DYM: variants seen among roughly 807,000 people sequenced by gnomAD.
DYM encodes dyggve-Melchior-Clausen syndrome protein.
Under a neutral mutation model 93.1 loss-of-function variants are expected in DYM, and 78 were observed. The observed-to-expected ratio is 0.84, with a 90% confidence interval of 0.70 to 1.01. The LOEUF is 1.01. Ranked by LOEUF, DYM falls within the 50% of genes least tolerant of loss-of-function variation. The pLI is 0.00. For missense variants in DYM, 789 were observed against 845.0 expected, an observed-to-expected ratio of 0.93 and a Z score of 0.82; for synonymous variants, 321 against 319.7, an observed-to-expected ratio of 1.00 and a Z score of -0.04.
At chr18:49,202,802 G>A (rs2092136577) in intron 14 of DYM, among the ~76,000 whole-genome samples, 1 of 48,232 alleles carries the variant, frequency 2.1e-5, no homozygotes, top group Non-Finnish European at 4.3e-5. Flanking sequence ...CCCGGCAGCT[G>A]CCCCGTCTGA....
intron 15 of DYM, among the ~76,000 whole-genome samples, chr18:49,139,089 C>T (rs1013451494): frequency 2.6e-5 from 4 of 152,042 alleles, no homozygotes; most frequent in Non-Finnish European, 2.9e-5. Context: ...GTTTTGAAAA[C>T]GATTTCAAAA....
At chr18:49,051,372 T>C (rs960550081) in intron 17 of DYM, among the ~76,000 whole-genome samples, 1 of 152,180 alleles carries the variant, frequency 6.6e-6, no homozygotes, top group African/African-American at 2.4e-5. Context: ...GGGCAAGTCA[T>C]AGCATTTCTC....
chr18:49,232,202 C>T (rs1032667678), intron 13 of DYM, among the ~76,000 whole-genome samples: 1 of 152,130 alleles, frequency 6.6e-6, no homozygotes, highest in African/African-American at 2.4e-5. Context: ...GCTCCCCCCA[C>T]TTTCCATATT....
chr18:49,235,229 T>C (rs1039451720), intron 13 of DYM, among the ~76,000 whole-genome samples: 3 of 152,242 alleles, frequency 2.0e-5, no homozygotes, highest in Non-Finnish European at 2.9e-5. Context: ...ACAGACTTTC[T>C]GGAGCAGAGC....
At chr18:49,319,671 C>G (rs183043976) in intron 8 of DYM, among the ~76,000 whole-genome samples, 12 of 152,276 alleles carry the variant, frequency 7.9e-5, no homozygotes. Flanking sequence ...AATGAGGAAA[C>G]TGGGGCTCAG....
chr18:49,307,679 T>TG (rs141497996), intron 8 of DYM, among the ~76,000 whole-genome samples: 1 of 152,318 alleles, frequency 6.6e-6, no homozygotes, highest in East Asian at 1.9e-4. Flanking sequence ...TTCCATACCC[T>TG]GTCCTTCATG....
At chr18:49,273,816 CTTT>C (rs35929710) in intron 10 of DYM, among the ~76,000 whole-genome samples, 3 of 137,270 alleles carry the variant, frequency 2.2e-5, no homozygotes, top group Non-Finnish European at 3.2e-5. Flanking sequence ...TATTTTATGC[CTTT>C]TTTTTTTTTT....
At chr18:49,086,788 G>T (rs982422586) in intron 17 of DYM, among the ~76,000 whole-genome samples, 2 of 151,990 alleles carry the variant, frequency 1.3e-5, no homozygotes, top group East Asian at 1.9e-4. Flanking sequence ...AGGAGTTCGA[G>T]ATCAGCCTGG....
intron 15 of DYM, among the ~76,000 whole-genome samples, chr18:49,137,919 C>T (rs1309891395): frequency 6.6e-6 from 1 of 152,094 alleles, no homozygotes; most frequent in Non-Finnish European, 1.5e-5. Context: ...TCAATAAAGC[C>T]AATGATCAGT....
intron 14 of DYM, among the ~76,000 whole-genome samples, chr18:49,203,481 G>A (rs1056177712): frequency 1.3e-5 from 2 of 148,522 alleles, no homozygotes; most frequent in Non-Finnish European, 3.0e-5. Context: ...AGTAGACATG[G>A]GAGACTTTTC....
chr18:49,069,047 G>C (rs1257402020), intron 17 of DYM, among the ~76,000 whole-genome samples: 1 of 152,206 alleles, frequency 6.6e-6, no homozygotes, highest in African/African-American at 2.4e-5. Context: ...GATTATGGAA[G>C]AAGGGATCTT....
intron 15 of DYM, among the ~76,000 whole-genome samples, chr18:49,144,388 C>T (rs114956978): frequency 3.3e-5 from 5 of 151,986 alleles, no homozygotes; most frequent in East Asian, 1.9e-4. Context: ...TCCCTCTTTA[C>T]GTAAGTTTGC....
At chr18:49,355,312 T>C (rs764562826) in intron 6 of DYM, among the ~76,000 whole-genome samples, 1 of 151,976 alleles carries the variant, frequency 6.6e-6, no homozygotes, top group Non-Finnish European at 1.5e-5. Context: ...ATAGATATCA[T>C]AGATAGACAT....
intron 14 of DYM, among the ~76,000 whole-genome samples, chr18:49,176,977 A>G (rs1420898793): frequency 6.6e-6 from 1 of 152,150 alleles, no homozygotes; most frequent in African/African-American, 2.4e-5. Flanking sequence ...TCTGTAAAGA[A>G]AGAGATTTTC....
chr18:49,386,765 C>T (rs1232218422), intron 3 of DYM, among the ~76,000 whole-genome samples: 2 of 152,062 alleles, frequency 1.3e-5, no homozygotes, highest in Non-Finnish European at 2.9e-5. Flanking sequence ...AACATAAACT[C>T]ATTTTACTGT....
chr18:49,105,387 T>C (rs1179120146), intron 16 of DYM, among the ~76,000 whole-genome samples: 1 of 152,298 alleles, frequency 6.6e-6, no homozygotes, highest in Middle Eastern at 3.4e-3. Context: ...TTTTGAAGGG[T>C]TTTTTGTGTC....
intron 9 of DYM, among the ~76,000 whole-genome samples, chr18:49,285,289 G>C (rs2095095424): frequency 6.6e-6 from 1 of 152,216 alleles, no homozygotes; most frequent in South Asian, 2.1e-4. Context: ...TATAAGAAAT[G>C]TGTATCAGAA....
chr18:49,125,179 G>C (rs1201469240), intron 15 of DYM, among the ~76,000 whole-genome samples: 1 of 152,126 alleles, frequency 6.6e-6, no homozygotes, highest in Admixed American at 6.5e-5. Context: ...AGAATCACTT[G>C]AACCCAGCAG....
intron 13 of DYM, among the ~76,000 whole-genome samples, chr18:49,215,864 G>C (rs2093010643): frequency 1.3e-5 from 2 of 152,208 alleles, no homozygotes; most frequent in Admixed American, 1.3e-4. Context: ...CTGAGGTACT[G>C]GGTTCATCTC....
Sources: allele counts gnomAD v4.1 joint callset (sites outside exome capture counted in the v4.1 genomes callset), GRCh38; gene constraint gnomAD v4.1.1; transcripts MANE v1.5; gene names NCBI Gene and HGNC (gene_info 2026-07-23, HGNC 2026-07-21).